PRKAG2: variants seen among roughly 807,000 people sequenced by gnomAD.
The protein encoded by PRKAG2 is 5'-AMP-activated protein kinase subunit gamma-2.
In PRKAG2, 26 loss-of-function variants were observed where a neutral mutation model predicts 69.6. That is an observed-to-expected ratio of 0.37 (90% CI 0.27 to 0.52). The LOEUF (loss-of-function observed/expected upper bound fraction) is 0.52. Among genes scored for constraint, PRKAG2 ranks in the 20% least tolerant of loss-of-function variants. The pLI, the probability that PRKAG2 is intolerant of heterozygous loss-of-function variation, is 0.90. For missense variants in PRKAG2, 557 were observed against 740.0 expected (o/e 0.75, Z 2.87); for synonymous variants, 293 against 285.0 (o/e 1.03, Z -0.28).
chr7:151,614,605 T>A lies in PRKAG2; in HGVS notation c.754+17464A>T, dbSNP rs1819641054. Reference sequence around the variant, plus strand: ...TTGCTTCCCGCTCTCTCTCCCCATCTCCACTTGACCTTGTGGTGGTTCACT... The same window carrying A: ...TTGCTTCCCGCTCTCTCTCCCCATCACCACTTGACCTTGTGGTGGTTCACT... On this transcript the variant is annotated intron_variant, in intron 5 of 15. Transcript: ENST00000287878. The surrounding 1 kb of genome is among the most constrained non-coding windows in gnomAD (Gnocchi z 4.4). 6.6e-6 allele frequency among the ~76,000 whole-genome samples: 1 copy of A among 152,002 alleles called. No individual in the cohort carries two copies. The highest frequency in any genetic ancestry group is 1.5e-5 in the Non-Finnish European group (1 of 67,964).
chr7:151,665,815 T>C (rs1230495988), intron 4 of PRKAG2, among the ~76,000 whole-genome samples: 2 of 152,174 alleles, frequency 1.3e-5, no homozygotes, highest in Admixed American at 6.6e-5. Context: ...GCATATAAAG[T>C]CTTTAACTGT....
intron 1 of PRKAG2, among the ~76,000 whole-genome samples, chr7:151,832,605 G>GC (rs35436606): frequency 1.2e-4 from 18 of 151,122 alleles, no homozygotes; most frequent in Middle Eastern, 3.4e-3. Context: ...TGGGGGGGGG[G>GC]TCCCAGCACA....
Position 151,836,787 on chromosome 7 carries a change from T to C in PRKAG2, c.114+39720A>G, listed in dbSNP as rs2079156681. Among the ~76,000 whole-genome samples, 1 of 152,210 alleles carries C rather than the reference T, an allele frequency of 6.6e-6. No individual in the cohort carries two copies. Among genetic ancestry groups the C allele is most frequent in the African/African-American group, 2.4e-5 (1 of 41,460 alleles). ...TGCCCTCTCCTCCTGGCAGGTTCTC[T>C]GGCTTTAGGCATTAATGTCCTGTGA... is the stretch of plus-strand genomic sequence containing the variant. On this transcript the variant is annotated intron_variant, in intron 1 of 15. Transcript: ENST00000287878. This position sits in a 1 kb window ranked among gnomAD's most constrained non-coding sequence, Gnocchi z 4.1.
intron 10 of PRKAG2, among the ~76,000 whole-genome samples, chr7:151,569,266 C>T (rs1584959207): frequency 6.6e-6 from 1 of 152,254 alleles, no homozygotes; most frequent in Non-Finnish European, 1.5e-5. Flanking sequence ...AACTCCTGAG[C>T]TTAAGCGATC....
At chr7:151,678,873 C>T (rs1263209497) in intron 3 of PRKAG2, among the ~76,000 whole-genome samples, 1 of 152,074 alleles carries the variant, frequency 6.6e-6, no homozygotes, top group Admixed American at 6.6e-5. Flanking sequence ...GCAGGAGAAT[C>T]GCTTGAACCC....
chr7:151,730,238 C>T (rs1798715685), intron 3 of PRKAG2, among the ~76,000 whole-genome samples: 1 of 152,278 alleles, frequency 6.6e-6, no homozygotes, highest in Admixed American at 6.5e-5. Flanking sequence ...GCATCTCTCA[C>T]TCACTGCTGT....
At chr7:151,687,895 G>C (rs1173883490) in intron 3 of PRKAG2, among the ~76,000 whole-genome samples, 1 of 152,244 alleles carries the variant, frequency 6.6e-6, no homozygotes, top group Admixed American at 6.5e-5. Flanking sequence ...GCCTTGGGCT[G>C]CCTCTCCGTG....
chr7:151,601,147 GACCGGTT>G (rs1815976248), intron 5 of PRKAG2, among the ~76,000 whole-genome samples: 1 of 152,138 alleles, frequency 6.6e-6, no homozygotes, highest in South Asian at 2.1e-4. Flanking sequence ...GGGACACAAT[GACCGGTT>G]ATCCACCCTC....
chr7:151,783,184 G>C (rs528748160), intron 2 of PRKAG2, among the ~76,000 whole-genome samples: 31 of 152,348 alleles, frequency 2.0e-4, no homozygotes, highest in African/African-American at 6.3e-4. Flanking sequence ...GCCTCCCCGC[G>C]CGGCCTCTCC....
intron 3 of PRKAG2, among the ~76,000 whole-genome samples, chr7:151,716,856 C>T (rs1563509695): frequency 6.6e-6 from 1 of 152,208 alleles, no homozygotes; most frequent in Non-Finnish European, 1.5e-5. Flanking sequence ...GGTACACACC[C>T]CGCACCTTCA....
chr7:151,867,976 C>T (rs1219239649), intron 1 of PRKAG2, among the ~76,000 whole-genome samples: 1 of 152,226 alleles, frequency 6.6e-6, no homozygotes, highest in Non-Finnish European at 1.5e-5. Context: ...AGGGCACCCC[C>T]CTCCAGGACC....
intron 15 of PRKAG2, 48 bp downstream of exon 15, chr7:151,560,476 C>T: frequency 6.2e-7 from 1 of 1,613,652 alleles, no homozygotes; most frequent in Non-Finnish European, 8.5e-7. Flanking sequence ...GTTCTACCTC[C>T]CACCCTTCCT....
Position 151,736,018 on chromosome 7 carries a change from C to T in PRKAG2, c.466+45134G>A, listed in dbSNP as rs774241304. 33 of 1,535,986 alleles carry T rather than the reference C, an allele frequency of 2.1e-5. No individual in the cohort carries two copies. In the African/African-American group the frequency reaches 3.3e-4, roughly 15 times the overall value. The stretch of plus-strand genomic sequence containing the variant: ...TGGGTAGCTGTGGCCACAGGAGTGG[C>T]GACAGGTGAACATATCAGGACCCAC... On this transcript the variant is annotated intron_variant, in intron 3 of 15. Coordinates refer to ENST00000287878, the MANE Select transcript of PRKAG2 (RefSeq NM_016203.4).
At chr7:151,760,395 G>A (rs1430877169) in intron 3 of PRKAG2, among the ~76,000 whole-genome samples, 7 of 152,038 alleles carry the variant, frequency 4.6e-5, no homozygotes, top group South Asian at 2.1e-4. Flanking sequence ...CACCATGCCC[G>A]GCTAATTTTT....
intron 5 of PRKAG2, among the ~76,000 whole-genome samples, chr7:151,623,062 A>G (rs1338954661): frequency 2.0e-5 from 3 of 152,128 alleles, no homozygotes; most frequent in East Asian, 1.9e-4. Flanking sequence ...ATCATTTGGC[A>G]TGAGTTAGAG....
At chr7:151,821,573 T>G (rs1443807025) in intron 1 of PRKAG2, among the ~76,000 whole-genome samples, 1 of 152,092 alleles carries the variant, frequency 6.6e-6, no homozygotes, top group African/African-American at 2.4e-5. Flanking sequence ...CTCCCCAATT[T>G]AATTGAAATC....
chr7:151,805,007 G>A (rs2078031244), intron 1 of PRKAG2, among the ~76,000 whole-genome samples: 2 of 152,196 alleles, frequency 1.3e-5, no homozygotes, highest in Non-Finnish European at 2.9e-5. Flanking sequence ...GGGCTCCATG[G>A]GGTAAGTAGC....
At chr7:151,557,487 C>T in intron 15 of PRKAG2, 2 of 984,974 alleles carry the variant, frequency 2.0e-6, no homozygotes, top group Non-Finnish European at 2.4e-6. Context: ...AAGAATTCCA[C>T]TCTTAAAAAA....
chr7:151,560,217 C>A (rs758478576), intron 15 of PRKAG2: 4 of 1,243,096 alleles, frequency 3.2e-6, no homozygotes, highest in Non-Finnish European at 4.1e-6. Flanking sequence ...TCACAAAGCA[C>A]AATTGAAGAG....
Sources: gnomAD v4.1 joint callset for allele counts (sites outside exome capture counted in the v4.1 genomes callset) on GRCh38, gnomAD v4.1.1 for gene constraint, Gnocchi (gnomAD v3.1) non-coding constraint, MANE v1.5 for transcripts, NCBI Gene and HGNC (gene_info 2026-07-23, HGNC 2026-07-21) for gene names.